HIVEP3: variants seen among roughly 807,000 people sequenced by gnomAD.
The protein encoded by HIVEP3 is transcription factor HIVEP3.
A neutral mutation model predicts 152.8 loss-of-function variants in HIVEP3; 49 were observed. That is an observed-to-expected ratio of 0.32 (90% confidence interval 0.26 to 0.41). HIVEP3 has a LOEUF of 0.41. HIVEP3 is among the 10% of genes least tolerant of loss of function. The pLI is 1.00. For synonymous variants in HIVEP3, 1,269 were observed against 1,289.0 expected (o/e 0.98, Z 0.33); for missense variants, 2,790 against 3,103.3 (o/e 0.90, Z 2.40).
At position 41,820,916 on chromosome 1, in the gene HIVEP3, C is replaced by T. The variant is rs192161915; in HGVS notation, c.-801+97497G>A. On this transcript the variant is annotated intron_variant, in intron 1 of 8. Transcript: ENST00000372583. Reference sequence around the variant, plus strand: ...CAAAGTAAGAAATCCTTTATCTCTACATAGGCAAGTTGCAAGTGGTTCCTA... The same window carrying T: ...CAAAGTAAGAAATCCTTTATCTCTATATAGGCAAGTTGCAAGTGGTTCCTA... 1.6e-4 allele frequency among the ~76,000 whole-genome samples: 24 copies of T among 152,316 alleles called. No homozygotes were observed. The East Asian group carries it at 4.4e-3, about 28-fold the overall frequency.
chr1:41,842,360 A>G (rs1643312530), intron 1 of HIVEP3, among the ~76,000 whole-genome samples: 1 of 152,178 alleles, frequency 6.6e-6, no homozygotes, highest in Non-Finnish European at 1.5e-5. Context: ...GGACCCACAA[A>G]GGAGCCTCGA....
intron 3 of HIVEP3, among the ~76,000 whole-genome samples, chr1:41,608,210 G>A (rs959421632): frequency 6.6e-6 from 1 of 152,218 alleles, no homozygotes; most frequent in African/African-American, 2.4e-5. Flanking sequence ...CCTGCAGGAG[G>A]GTGAAGCAGT....
At chr1:41,986,399 T>C (rs190544501) in intron 1 of HIVEP3, among the ~76,000 whole-genome samples, 3 of 152,104 alleles carry the variant, frequency 2.0e-5, no homozygotes, top group Non-Finnish European at 4.4e-5. Flanking sequence ...GAACAAGTGG[T>C]ACAGCTTTAC....
chr1:41,903,114 C>T (rs116614050), intron 1 of HIVEP3, among the ~76,000 whole-genome samples: 1 of 152,196 alleles, frequency 6.6e-6, no homozygotes, highest in Admixed American at 6.5e-5. Context: ...TAAAATACAT[C>T]TACCAACTAC....
chr1:42,018,329 C>CT (rs1164299228), intron 1 of HIVEP3, among the ~76,000 whole-genome samples: 1 of 150,994 alleles, frequency 6.6e-6, no homozygotes, highest in Non-Finnish European at 1.5e-5. Flanking sequence ...CAGATATTCT[C>CT]TTATGTTTTC....
At chr1:41,720,610 T>C (rs915903265) in intron 1 of HIVEP3, among the ~76,000 whole-genome samples, 1 of 152,168 alleles carries the variant, frequency 6.6e-6, no homozygotes. Flanking sequence ...GAATGTAAAA[T>C]GGTGCAGCCA....
intron 2 of HIVEP3, among the ~76,000 whole-genome samples, chr1:41,631,044 G>T (rs1645186801): frequency 6.6e-6 from 1 of 152,210 alleles, no homozygotes; most frequent in African/African-American, 2.4e-5. Flanking sequence ...TAACTGACTT[G>T]CCAGGCTGTT....
chr1:41,627,416 A>T (rs1031927206), intron 3 of HIVEP3, among the ~76,000 whole-genome samples: 1 of 152,184 alleles, frequency 6.6e-6, no homozygotes, highest in African/African-American at 2.4e-5. Flanking sequence ...GTACCACAAC[A>T]AACATCCCCT....
intron 1 of HIVEP3, among the ~76,000 whole-genome samples, chr1:41,731,651 G>T (rs1368665995): frequency 6.6e-6 from 1 of 152,204 alleles, no homozygotes; most frequent in Non-Finnish European, 1.5e-5. Context: ...AGATGCCCAT[G>T]TGGGGAAGAA....
At chr1:41,837,923 T>C (rs766710323) in intron 1 of HIVEP3, among the ~76,000 whole-genome samples, 2 of 152,136 alleles carry the variant, frequency 1.3e-5, no homozygotes, top group Non-Finnish European at 2.9e-5. Flanking sequence ...GGAAGGTGGT[T>C]CCTCTCAGCC....
intron 2 of HIVEP3, among the ~76,000 whole-genome samples, chr1:41,698,559 G>A (rs1646312033): frequency 6.6e-6 from 1 of 152,190 alleles, no homozygotes; most frequent in African/African-American, 2.4e-5. Flanking sequence ...TGAGGGAGCT[G>A]TGTGCTAAGC....
At position 41,906,325 on chromosome 1, in the gene HIVEP3, G is replaced by C. The variant is rs1644709435; in HGVS notation, c.-801+12088C>G. On this transcript the variant is annotated intron_variant, in intron 1 of 8. Coordinates refer to ENST00000372583, the MANE Select transcript of HIVEP3 (RefSeq NM_024503.5). ...CTCTGTCTGAAAAAAAAAAAATCCTGTGGCATATCCAGACAATGGAATACC... is the reference window on the plus strand; with the variant it reads ...CTCTGTCTGAAAAAAAAAAAATCCTCTGGCATATCCAGACAATGGAATACC... Among the ~76,000 whole-genome samples, 2 of 151,356 alleles carry C rather than the reference G, an allele frequency of 1.3e-5. 1 individual carries two copies. The highest frequency in any genetic ancestry group is 4.2e-4 in the South Asian group (2 of 4,806).
chr1:41,924,278 C>T (rs1253845678), intron 1 of HIVEP3, among the ~76,000 whole-genome samples: 2 of 152,060 alleles, frequency 1.3e-5, no homozygotes, highest in East Asian at 3.8e-4. Flanking sequence ...GGAGCATAGC[C>T]CTATCAATAC....
intron 1 of HIVEP3, among the ~76,000 whole-genome samples, chr1:41,998,274 A>G (rs143573220): frequency 8.2e-4 from 125 of 152,336 alleles, no homozygotes; most frequent in Non-Finnish European, 1.5e-3. Context: ...TTTTCTCTAC[A>G]TTAAGTATTA....
chr1:41,605,392 C>T (rs1644808651), intron 3 of HIVEP3, among the ~76,000 whole-genome samples: 1 of 151,842 alleles, frequency 6.6e-6, no homozygotes, highest in Non-Finnish European at 1.5e-5. Flanking sequence ...CACACACACA[C>T]ACACACACAC....
intron 1 of HIVEP3, among the ~76,000 whole-genome samples, chr1:41,930,546 G>A (rs897494366): frequency 6.6e-6 from 1 of 152,036 alleles, no homozygotes; most frequent in Non-Finnish European, 1.5e-5. Context: ...GTCCAGTTTG[G>A]GTGTTTATGT....
Position 41,622,535 on chromosome 1 carries a change from C to A in HIVEP3, c.-522+6214G>T, listed in dbSNP as rs1006630595. ...TACATAAAATTTTACTGGAACACAACCACGCCCATTTTTTACATATTATCT... is the reference window on the plus strand; with the variant it reads ...TACATAAAATTTTACTGGAACACAAACACGCCCATTTTTTACATATTATCT... On this transcript the variant is annotated intron_variant, in intron 3 of 8. Transcript: ENST00000372583. 2.6e-5 allele frequency among the ~76,000 whole-genome samples: 4 copies of A among 152,294 alleles called. No homozygotes were observed. In the South Asian group the frequency reaches 8.3e-4, roughly 32 times the overall value.
chr1:41,711,972 A>G (rs879736541), intron 1 of HIVEP3, among the ~76,000 whole-genome samples: 10 of 152,232 alleles, frequency 6.6e-5, no homozygotes, highest in Non-Finnish European at 1.3e-4. Context: ...ACCAAGGTGC[A>G]GGTGCAGAAA....
chr1:41,714,083 T>A (rs572663742), intron 1 of HIVEP3, among the ~76,000 whole-genome samples: 82 of 152,312 alleles, frequency 5.4e-4, no homozygotes, highest in Non-Finnish European at 1.1e-3. Context: ...GCCCGGGTTC[T>A]CAAGCCCTGA....
Sources: gnomAD v4.1 joint callset for allele counts (sites outside exome capture counted in the v4.1 genomes callset) on GRCh38, gnomAD v4.1.1 for gene constraint, MANE v1.5 for transcripts, NCBI Gene and HGNC (gene_info 2026-07-23, HGNC 2026-07-21) for gene names.